Variants in DIP2A observed in about 807,000 individuals in gnomAD.
DIP2A encodes disco-interacting protein 2 homolog A.
In DIP2A, 85 loss-of-function variants were observed where a neutral mutation model predicts 177.4. The observed-to-expected ratio is 0.48, with a 90% confidence interval of 0.40 to 0.57. DIP2A has a LOEUF of 0.57. DIP2A is among the 20% of genes least tolerant of loss of function. The pLI is 0.00. For synonymous variants in DIP2A, 886 were observed against 881.8 expected (o/e 1.00, Z -0.08); for missense variants, 1,791 against 2,100.2 (o/e 0.85, Z 2.88).
intron 21 of DIP2A, among the ~76,000 whole-genome samples, chr21:46,547,655 CCTTT>C (rs1569087989): frequency 2.9e-5 from 3 of 102,418 alleles, no homozygotes; most frequent in African/African-American, 1.1e-4. Context: ...CAAGGGGGTG[CCTTT>C]TTTTTTTTTT....
chr21:46,526,397 CTTTTT>C (rs1357295827), intron 8 of DIP2A, among the ~76,000 whole-genome samples: 1 of 138,992 alleles, frequency 7.2e-6, no homozygotes, highest in Non-Finnish European at 1.6e-5. Context: ...ACGTTCATTC[CTTTTT>C]TTTTTTTTTT....
Position 46,498,539 on chromosome 21 carries a change from AC to A in DIP2A, c.404-42del. The A allele has an allele frequency of 6.4e-7, 1 of 1,566,114 alleles. No individual in the cohort carries two copies. Among genetic ancestry groups the A allele is most frequent in the Non-Finnish European group, 8.7e-7 (1 of 1,155,450 alleles). ...GAGTGGGAACTCCGTCCTCCTCTTG[AC>A]TCATCCCGATATCATGCCTGTCATC... is the stretch of plus-strand genomic sequence containing the variant. On this transcript the variant is annotated intron_variant, in intron 4 of 37. Transcript: ENST00000417564. The surrounding 1 kb of genome is among the most constrained non-coding windows in gnomAD (Gnocchi z 4.3).
chr21:46,517,606 C>T (rs534106519), intron 8 of DIP2A, among the ~76,000 whole-genome samples: 18 of 152,324 alleles, frequency 1.2e-4, no homozygotes, highest in African/African-American at 4.1e-4. Flanking sequence ...GCTTCCCAGC[C>T]GTGGCGTTGG....
chr21:46,477,034 CTG>C (rs1017224715), intron 1 of DIP2A, among the ~76,000 whole-genome samples: 1 of 152,140 alleles, frequency 6.6e-6, no homozygotes, highest in African/African-American at 2.4e-5. Flanking sequence ...TTTAATTTCT[CTG>C]TGCATCTGTC....
chr21:46,567,353 C>CT lies in DIP2A; in HGVS notation c.4464-16dup. 6.2e-7 allele frequency: 1 copy of CT among 1,605,868 alleles called. No homozygotes were observed. On this transcript the variant is annotated splice_polypyrimidine_tract_variant and intron_variant, in intron 37 of 37. Coordinates refer to ENST00000417564, the MANE Select transcript of DIP2A (RefSeq NM_015151.4). ...TGTGCCTGTATCCATGTGACCCAGT[C>CT]TGTCTTCTCTCTGCAGTGCCGTATT...
At chr21:46,581,288 CT>C in the DIP2A span, among the ~76,000 whole-genome samples, 2 of 152,202 alleles carry the variant, frequency 1.3e-5, no homozygotes. Flanking sequence ...TGTTTTTCAG[CT>C]CCATCAGATC....
intron 25 of DIP2A, 36 bp from the exon 26 acceptor site, chr21:46,554,133 C>T (rs1344954802): frequency 1.2e-6 from 2 of 1,604,966 alleles, no homozygotes; most frequent in Admixed American, 3.4e-5. Context: ...CCTGCACGCA[C>T]CAGCATACAG....
intron 1 of DIP2A, among the ~76,000 whole-genome samples, chr21:46,471,040 C>T (rs1307116575): frequency 6.6e-6 from 1 of 152,000 alleles, no homozygotes; most frequent in Admixed American, 6.6e-5. Flanking sequence ...TTTATTCTGC[C>T]AGTACATATT....
intron 8 of DIP2A, among the ~76,000 whole-genome samples, chr21:46,525,073 G>A (rs1024268996): frequency 6.6e-6 from 1 of 151,508 alleles, no homozygotes; most frequent in African/African-American, 2.4e-5. Context: ...TTTTAGTAGA[G>A]TCAGGGTTTC....
chr21:46,554,127 C>T, intron 25 of DIP2A, 42 bp from the exon 26 acceptor site: 2 of 1,597,510 alleles, frequency 1.3e-6, no homozygotes, highest in Admixed American at 1.7e-5. Flanking sequence ...AGCCCACCTG[C>T]ACGCACCAGC....
intron 8 of DIP2A, 116 bp from the exon 9 acceptor site, chr21:46,528,976 C>A (rs760315807): frequency 1.6e-5 from 9 of 568,648 alleles, no homozygotes; most frequent in Non-Finnish European, 2.7e-5. Flanking sequence ...TGGAAACTAC[C>A]TAAATTTCCA....
intron 6 of DIP2A, among the ~76,000 whole-genome samples, chr21:46,509,041 A>C (rs990439145): frequency 5.9e-5 from 9 of 152,136 alleles, no homozygotes; most frequent in Non-Finnish European, 8.8e-5. Context: ...AAAACAAAAA[A>C]AAACCTGCTA....
intron 1 of DIP2A, among the ~76,000 whole-genome samples, chr21:46,474,792 G>A (rs7277132): frequency 0.046 from 7,050 of 152,190 alleles, 528 homozygotes; most frequent in African/African-American, 0.16. Flanking sequence ...TAGGTTTTCA[G>A]AATTGAAAAG....
chr21:46,556,278 G>A lies in DIP2A; in HGVS notation c.3498+187G>A, dbSNP rs1183370993. ...GATGTGATTAGCCTGAGAGTAATGC[G>A]TTTTCTGATGCATTATGGTTATGTC... is the stretch of plus-strand genomic sequence containing the variant. On this transcript the variant is annotated intron_variant, in intron 29 of 37. Coordinates refer to ENST00000417564, the MANE Select transcript of DIP2A (RefSeq NM_015151.4). This position sits in a 1 kb window ranked among gnomAD's most constrained non-coding sequence, Gnocchi z 4.5. 4.7e-6 allele frequency: 7 copies of A among 1,479,824 alleles called. No individual in the cohort carries two copies. The highest frequency in any genetic ancestry group is 5.1e-5 in the East Asian group (2 of 39,492). 91.7% of individuals were successfully genotyped at this position (1,479,824 alleles called of 1,614,324 possible).
chr21:46,469,593 C>G (rs530052418), intron 1 of DIP2A, among the ~76,000 whole-genome samples: 1 of 152,338 alleles, frequency 6.6e-6, no homozygotes, highest in East Asian at 1.9e-4. Context: ...CATCGCCATG[C>G]TGTGGGTCCA....
rs769053637 is a variant in DIP2A at position 46,563,870 on chromosome 21, G to A, written c.4102G>A (p.Val1368Met). ...CTCCTCCTTCCAGATCCTCCCCGGC[G>A]TGAAGGTCATCATCGCACACACCGA... ...LMESGKILPG[V>M]KVIIAHTETK... is the part of the protein sequence containing the mutation. Residue 1368 changes from valine to methionine, a missense_variant, in exon 35 of 38, where the codon GTG becomes ATG. Transcript: ENST00000417564. This position sits in a 1 kb window ranked among gnomAD's most constrained non-coding sequence, Gnocchi z 4.3. The A allele has an allele frequency of 3.1e-6, 5 of 1,613,452 alleles. No individual in the cohort carries two copies. The highest frequency in any genetic ancestry group is 2.5e-6 in the Non-Finnish European group (3 of 1,179,804).
chr21:46,576,445 AAC>A, the DIP2A span, among the ~76,000 whole-genome samples: 1 of 152,154 alleles, frequency 6.6e-6, no homozygotes, highest in Non-Finnish European at 1.5e-5. Flanking sequence ...CCCTGCAGAG[AAC>A]ACAATCTAAT....
chr21:46,562,067 G>A (rs2060684113), intron 34 of DIP2A, among the ~76,000 whole-genome samples: 1 of 152,218 alleles, frequency 6.6e-6, no homozygotes, highest in African/African-American at 2.4e-5. Flanking sequence ...ACTCCCGCTG[G>A]GTGGGTGGCA....
In DIP2A at chr21:46,554,359, C is replaced by T; in HGVS notation, c.3154+67C>T. On this transcript the variant is annotated intron_variant, in intron 26 of 37. Coordinates refer to ENST00000417564, the MANE Select transcript of DIP2A (RefSeq NM_015151.4). ...GCAGCCTCCTATCCTAAGCAGCCCC[C>T]TAGACACTCCCTCCCCGAAGCATCT... 3 of 1,588,086 alleles carry T rather than the reference C, an allele frequency of 1.9e-6. No individual in the cohort carries two copies. The Admixed American group carries it at 5.2e-5, about 27-fold the overall frequency.
Sources: allele counts gnomAD v4.1 joint callset (sites outside exome capture counted in the v4.1 genomes callset), GRCh38; gene constraint gnomAD v4.1.1; non-coding constraint Gnocchi (gnomAD v3.1); transcripts MANE v1.5; gene names NCBI Gene and HGNC (gene_info 2026-07-23, HGNC 2026-07-21).